The following AGMO variants were observed in gnomAD, a reference collection of about 807,000 sequenced individuals.
AGMO encodes alkylglycerol monooxygenase.
Under a neutral mutation model 60.2 loss-of-function variants are expected in AGMO, and 75 were observed. The ratio of observed to expected loss-of-function variants is 1.25; its 90% CI spans 1.03 to 1.51. AGMO has a LOEUF of 1.51. Ranked by LOEUF, AGMO falls within the 40% of genes most tolerant of loss-of-function variation. The pLI, the probability that AGMO is intolerant of heterozygous loss-of-function variation, is 0.00. For synonymous variants in AGMO, 261 were observed against 177.1 expected (o/e 1.47, Z -3.76); for missense variants, 763 against 525.5 (o/e 1.45, Z -4.42).
the AGMO span, among the ~76,000 whole-genome samples, chr7:15,194,603 C>T: frequency 6.6e-6 from 1 of 152,058 alleles, no homozygotes; most frequent in Non-Finnish European, 1.5e-5. Flanking sequence ...CTGATCTTCC[C>T]CCACCCTGTG....
intron 3 of AGMO, among the ~76,000 whole-genome samples, chr7:15,451,245 G>A (rs7781383): frequency 0.63 from 95,181 of 151,886 alleles, 30,401 homozygotes; most frequent in Non-Finnish European, 0.69. Flanking sequence ...AATTATTTTC[G>A]GTGTAATGGA....
intron 3 of AGMO, among the ~76,000 whole-genome samples, chr7:15,531,428 C>G (rs1256109564): frequency 2.3e-5 from 1 of 42,672 alleles, no homozygotes; most frequent in Non-Finnish European, 3.6e-5. Context: ...TATATATATT[C>G]TATATATATA....
Position 15,452,631 on chromosome 7 carries a change from G to A in AGMO, c.410-21523C>T, listed in dbSNP as rs932780741. Among the ~76,000 whole-genome samples the A allele has an allele frequency of 4.7e-4, 71 of 152,284 alleles. No individual in the cohort carries two copies. In the Middle Eastern group the frequency reaches 0.01, roughly 22 times the overall value. ...GAAGTTAGAACACTGAAACATTGCC[G>A]GTGTGTATGTAAAATGGTGCAGCTG... is the stretch of plus-strand genomic sequence containing the variant. On this transcript the variant is annotated intron_variant, in intron 3 of 12. Transcript: ENST00000342526.
At chr7:15,376,127 T>C (rs765949690) in intron 10 of AGMO, among the ~76,000 whole-genome samples, 7 of 152,130 alleles carry the variant, frequency 4.6e-5, no homozygotes, top group Non-Finnish European at 8.8e-5. Flanking sequence ...TTACTACAAA[T>C]CCATTACATT....
chr7:15,263,687 T>C (rs966287283), intron 12 of AGMO, among the ~76,000 whole-genome samples: 4 of 151,762 alleles, frequency 2.6e-5, no homozygotes, highest in Admixed American at 6.6e-5. Context: ...CATCAACCAA[T>C]GAAGGGATAA....
chr7:15,447,459 T>C (rs1041201049), intron 3 of AGMO, among the ~76,000 whole-genome samples: 4 of 152,222 alleles, frequency 2.6e-5, no homozygotes, highest in African/African-American at 7.2e-5. Flanking sequence ...TTGAACCCCA[T>C]AGCGGGATAA....
intron 5 of AGMO, among the ~76,000 whole-genome samples, chr7:15,405,685 C>T (rs1784666502): frequency 6.6e-6 from 1 of 151,762 alleles, no homozygotes; most frequent in Non-Finnish European, 1.5e-5. Context: ...TTCATTAATC[C>T]ACGTAACACT....
At chr7:15,224,784 G>A (rs1360550042) in intron 12 of AGMO, among the ~76,000 whole-genome samples, 1 of 152,004 alleles carries the variant, frequency 6.6e-6, no homozygotes, top group Non-Finnish European at 1.5e-5. Flanking sequence ...TATGGTTTGG[G>A]CCATGAATAG....
chr7:15,278,328 C>T (rs1264020201), intron 12 of AGMO, among the ~76,000 whole-genome samples: 1 of 152,002 alleles, frequency 6.6e-6, no homozygotes, highest in African/African-American at 2.4e-5. Context: ...ACCTTAGGAC[C>T]CGGGGAGAGT....
rs143593797 is a variant in AGMO at position 15,309,233 on chromosome 7, T to C, written c.1263+56281A>G. Among the ~76,000 whole-genome samples the C allele has an allele frequency of 5.9e-3, 905 of 152,302 alleles. 3 individuals are homozygous for C. Among genetic ancestry groups the C allele is most frequent in the Non-Finnish European group, 9.6e-3 (653 of 68,026 alleles). The stretch of plus-strand genomic sequence containing the variant: ...CACACGTAATGAAGAACTATCGTTA[T>C]CCTTACTGAGCAGTTTTACAGACAG... On this transcript the variant is annotated intron_variant, in intron 12 of 12. Transcript: ENST00000342526.
intron 12 of AGMO, among the ~76,000 whole-genome samples, chr7:15,287,784 A>ATT (rs5882491): frequency 7.9e-5 from 12 of 151,540 alleles, no homozygotes; most frequent in Admixed American, 2.0e-4. Flanking sequence ...ACGTAGCTAA[A>ATT]TTTTTTTTTG....
intron 3 of AGMO, among the ~76,000 whole-genome samples, chr7:15,441,644 C>T (rs373389948): frequency 4.7e-4 from 71 of 152,218 alleles, no homozygotes; most frequent in South Asian, 8.3e-4. Flanking sequence ...AGCACTCCTA[C>T]GACGCTCCTC....
chr7:15,401,346 A>G (rs1421592181), intron 5 of AGMO, among the ~76,000 whole-genome samples: 1 of 152,136 alleles, frequency 6.6e-6, no homozygotes, highest in Non-Finnish European at 1.5e-5. Flanking sequence ...TTGACTAGTT[A>G]GATTTTTGTG....
chr7:15,526,887 T>A (rs537384119), intron 3 of AGMO, among the ~76,000 whole-genome samples: 2 of 152,208 alleles, frequency 1.3e-5, no homozygotes, highest in African/African-American at 4.8e-5. Flanking sequence ...TATTATTGTA[T>A]CTGTAATGGT....
intron 3 of AGMO, among the ~76,000 whole-genome samples, chr7:15,505,299 G>T (rs1783483542): frequency 6.6e-6 from 1 of 151,948 alleles, no homozygotes; most frequent in South Asian, 2.1e-4. Context: ...TTTATGAGTA[G>T]TATAGATGAT....
At chr7:15,346,340 T>C (rs973462550) in intron 12 of AGMO, among the ~76,000 whole-genome samples, 2 of 152,136 alleles carry the variant, frequency 1.3e-5, no homozygotes, top group African/African-American at 4.8e-5. Context: ...TTTGGTCTAG[T>C]CCCGAGTACT....
At chr7:15,234,552 G>T (rs1370827184) in intron 12 of AGMO, among the ~76,000 whole-genome samples, 3 of 152,066 alleles carry the variant, frequency 2.0e-5, no homozygotes, top group Non-Finnish European at 2.9e-5. Context: ...TTTTGTTTTT[G>T]TGTTTTTCTT....
chr7:15,522,697 G>A (rs529618649), intron 3 of AGMO, among the ~76,000 whole-genome samples: 1 of 151,980 alleles, frequency 6.6e-6, no homozygotes, highest in African/African-American at 2.4e-5. Flanking sequence ...AAATTAACTC[G>A]AGATTTATTA....
chr7:15,414,354 G>T (rs979858522), intron 5 of AGMO, among the ~76,000 whole-genome samples: 3 of 152,080 alleles, frequency 2.0e-5, no homozygotes, highest in Non-Finnish European at 4.4e-5. Flanking sequence ...CTAGCTAAAA[G>T]GTTGGGAGGG....
Sources: allele counts gnomAD v4.1 joint callset (sites outside exome capture counted in the v4.1 genomes callset), GRCh38; gene constraint gnomAD v4.1.1; transcripts MANE v1.5; gene names NCBI Gene and HGNC (gene_info 2026-07-23, HGNC 2026-07-21).